GRIK1: variants seen among roughly 807,000 people sequenced by gnomAD.
GRIK1 encodes the protein glutamate receptor ionotropic, kainate 1.
Under a neutral mutation model 105.7 loss-of-function variants are expected in GRIK1, and 69 were observed. The ratio of observed to expected loss-of-function variants is 0.65; its 90% CI spans 0.54 to 0.80. The LOEUF (loss-of-function observed/expected upper bound fraction) is 0.80, where lower values mean the gene tolerates loss of function less well. Among genes scored for constraint, GRIK1 ranks in the 30% least tolerant of loss-of-function variants. GRIK1 has a pLI of 0.00. For missense variants in GRIK1, 1,109 were observed against 1,167.3 expected (o/e 0.95, Z 0.73); for synonymous variants, 438 against 431.3 (o/e 1.02, Z -0.19).
intron 1 of GRIK1, among the ~76,000 whole-genome samples, chr21:29,796,784 A>G (rs940904048): frequency 6.6e-6 from 1 of 152,070 alleles, no homozygotes; most frequent in Non-Finnish European, 1.5e-5. Flanking sequence ...CCCCATCTCT[A>G]CTAAAAATAC....
chr21:29,692,526 C>A (rs2063604150), intron 2 of GRIK1, among the ~76,000 whole-genome samples: 1 of 152,164 alleles, frequency 6.6e-6, no homozygotes, highest in South Asian at 2.1e-4. Context: ...AAGAAAATAT[C>A]TTTATACTTA....
intron 7 of GRIK1, among the ~76,000 whole-genome samples, chr21:29,635,748 T>C (rs1264394043): frequency 6.6e-6 from 1 of 152,026 alleles, no homozygotes; most frequent in Non-Finnish European, 1.5e-5. Flanking sequence ...CCAGCATACT[T>C]TGTGGGAATG....
intron 14 of GRIK1, among the ~76,000 whole-genome samples, chr21:29,575,145 G>T (rs984569413): frequency 6.6e-6 from 1 of 151,876 alleles, no homozygotes; most frequent in African/African-American, 2.4e-5. Context: ...ATTTATTATT[G>T]TTATTAAACA....
At chr21:29,699,683 C>T (rs1436095792) in intron 1 of GRIK1, among the ~76,000 whole-genome samples, 8 of 150,994 alleles carry the variant, frequency 5.3e-5, no homozygotes, top group African/African-American at 2.0e-4. Flanking sequence ...GAGTCTCGCA[C>T]TGTCACCCAG....
intron 1 of GRIK1, among the ~76,000 whole-genome samples, chr21:29,770,880 C>T (rs547189843): frequency 3.9e-5 from 6 of 152,226 alleles, no homozygotes; most frequent in African/African-American, 1.4e-4. Flanking sequence ...ATTAGTGTCA[C>T]CTTATTTCAG....
intron 3 of GRIK1, among the ~76,000 whole-genome samples, chr21:29,687,743 G>T (rs987829151): frequency 6.6e-6 from 1 of 152,122 alleles, no homozygotes; most frequent in Non-Finnish European, 1.5e-5. Flanking sequence ...ATCAGAGAGT[G>T]GTTAGAATAT....
chr21:29,919,085 G>T (rs1427520355), intron 1 of GRIK1, among the ~76,000 whole-genome samples: 1 of 151,906 alleles, frequency 6.6e-6, no homozygotes, highest in Non-Finnish European at 1.5e-5. Flanking sequence ...TAGGAGAGAG[G>T]CACCCAAAAT....
chr21:29,586,799 G>T, intron 12 of GRIK1, among the ~76,000 whole-genome samples: 1 of 152,106 alleles, frequency 6.6e-6, no homozygotes, highest in East Asian at 1.9e-4. Flanking sequence ...CATGCCTCCA[G>T]GCTCTGTATG....
At chr21:29,919,457 G>C (rs772626401) in intron 1 of GRIK1, among the ~76,000 whole-genome samples, 1 of 152,166 alleles carries the variant, frequency 6.6e-6, no homozygotes, top group Non-Finnish European at 1.5e-5. Context: ...ACAGCAATCT[G>C]TAAGTAGAGT....
At chr21:29,682,454 C>T (rs1009029416) in intron 3 of GRIK1, among the ~76,000 whole-genome samples, 1 of 152,072 alleles carries the variant, frequency 6.6e-6, no homozygotes, top group African/African-American at 2.4e-5. Flanking sequence ...TTTGAAGCAC[C>T]CTGTTTTCTT....
intron 7 of GRIK1, among the ~76,000 whole-genome samples, chr21:29,600,349 C>G (rs2061495913): frequency 6.6e-6 from 1 of 152,146 alleles, no homozygotes; most frequent in African/African-American, 2.4e-5. Context: ...CAATAGTCTG[C>G]CTTTCACAGA....
intron 1 of GRIK1, among the ~76,000 whole-genome samples, chr21:29,899,256 T>G (rs1176630325): frequency 6.6e-6 from 1 of 152,202 alleles, no homozygotes; most frequent in African/African-American, 2.4e-5. Context: ...CTTTTGATTG[T>G]TTTTTAAGAC....
chr21:29,602,986 T>C (rs2061546012), intron 7 of GRIK1, among the ~76,000 whole-genome samples: 1 of 152,178 alleles, frequency 6.6e-6, no homozygotes, highest in South Asian at 2.1e-4. Flanking sequence ...TACAGTCATA[T>C]TCATATGCCC....
At chr21:29,624,491 T>C (rs1182940680) in intron 7 of GRIK1, among the ~76,000 whole-genome samples, 2 of 152,180 alleles carry the variant, frequency 1.3e-5, no homozygotes, top group East Asian at 3.8e-4. Flanking sequence ...GTATTTAATA[T>C]GGAATCAATA....
At chr21:29,794,109 G>A (rs752838259) in intron 1 of GRIK1, among the ~76,000 whole-genome samples, 6 of 151,982 alleles carry the variant, frequency 3.9e-5, no homozygotes, top group Non-Finnish European at 8.8e-5. Flanking sequence ...AAGTGACCCC[G>A]ATTAGTCATT....
At chr21:29,600,063 C>A (rs2061490931) in intron 7 of GRIK1, among the ~76,000 whole-genome samples, 1 of 152,064 alleles carries the variant, frequency 6.6e-6, no homozygotes, top group South Asian at 2.1e-4. Context: ...TCCAGCCTGG[C>A]GACAGAGCAA....
intron 14 of GRIK1, among the ~76,000 whole-genome samples, chr21:29,564,157 ATTTT>A (rs1202653208): frequency 6.6e-6 from 1 of 151,394 alleles, no homozygotes; most frequent in African/African-American, 2.4e-5. Context: ...TTATTTATTT[ATTTT>A]TTTTGAGACG....
intron 1 of GRIK1, among the ~76,000 whole-genome samples, chr21:29,844,557 T>A (rs2068066082): frequency 6.6e-6 from 1 of 152,210 alleles, no homozygotes; most frequent in Non-Finnish European, 1.5e-5. Context: ...AATCAACTAC[T>A]GCAAATCCCT....
chr21:29,556,182 A>T (rs2090250904), intron 15 of GRIK1, among the ~76,000 whole-genome samples: 1 of 152,158 alleles, frequency 6.6e-6, no homozygotes, highest in Non-Finnish European at 1.5e-5. Context: ...GTGGACAAGG[A>T]TTGTATGTTA....
Sources: allele counts gnomAD v4.1 joint callset (sites outside exome capture counted in the v4.1 genomes callset), GRCh38; gene constraint gnomAD v4.1.1; transcripts MANE v1.5; gene names NCBI Gene and HGNC (gene_info 2026-07-23, HGNC 2026-07-21).